Variants in ZNF486 observed in about 807,000 individuals in gnomAD.
ZNF486 encodes the protein KRAB box only protein 2.
In ZNF486, 12 loss-of-function variants were observed where a neutral mutation model predicts 12.8. That is an observed-to-expected ratio of 0.94 (90% CI 0.60 to 1.52). The LOEUF (loss-of-function observed/expected upper bound fraction) is 1.52. Among genes scored for constraint, ZNF486 ranks in the 40% most tolerant of loss-of-function variants. The pLI is 0.00. For synonymous variants in ZNF486, 231 were observed against 184.9 expected (o/e 1.25, Z -2.02); for missense variants, 738 against 545.0 (o/e 1.35, Z -3.53).
chr19:20,191,109 A>C (rs1555717121), intron 3 of ZNF486, among the ~76,000 whole-genome samples: 1 of 152,184 alleles, frequency 6.6e-6, no homozygotes, highest in Non-Finnish European at 1.5e-5. Flanking sequence ...CCCTCACCAG[A>C]AGCAGATGCT....
intron 1 of ZNF486, among the ~76,000 whole-genome samples, chr19:20,175,777 C>T (rs1227294196): frequency 6.6e-6 from 1 of 152,244 alleles, no homozygotes; most frequent in Non-Finnish European, 1.5e-5. Flanking sequence ...GTCTTTTCCG[C>T]ACCTTTCCCC....
rs1555713152 is a variant in ZNF486 at position 20,167,333 on chromosome 19, G to GC, written c.5dup (p.Pro4ThrfsTer3). On this transcript the variant is annotated frameshift_variant, in exon 1 of 4. Coordinates refer to ENST00000335117, the MANE Select transcript of ZNF486 (RefSeq NM_052852.4). LOFTEE classifies it high-confidence loss of function. ...GTATTGGGAGATCCACAGCCAAGAT[G>GC]CCGGGACCCCTTAGAAGCCTAGAAA... 2 of 1,613,936 alleles carry GC rather than the reference G, an allele frequency of 1.2e-6. No homozygotes were observed. Among genetic ancestry groups the GC allele is most frequent in the Admixed American group, 3.3e-5 (2 of 59,998 alleles).
Position 20,197,014 on chromosome 19 carries a change from G to A in ZNF486, c.304G>A (p.Asp102Asn). The A allele has an allele frequency of 6.2e-7, 1 of 1,603,440 alleles. No individual in the cohort carries two copies. Among genetic ancestry groups the A allele is most frequent in the Non-Finnish European group, 8.5e-7 (1 of 1,176,706 alleles). ...QDLWPEQSIK[D>N]SYQKVILRKF... ...CCTTTGGCCAGAGCAGAGCATAAAA[G>A]ATTCTTACCAAAAAGTGATACTGAG... is the stretch of plus-strand genomic sequence containing the variant. The change falls in exon 4 of 4, where the codon GAT becomes AAT. Residue 102 changes from aspartate (D) to asparagine (N), a missense_variant. Transcript: ENST00000335117.
At chr19:20,192,989 C>T (rs1459421292) in intron 3 of ZNF486, among the ~76,000 whole-genome samples, 1 of 151,930 alleles carries the variant, frequency 6.6e-6, no homozygotes, top group Admixed American at 6.6e-5. Context: ...TTCTCATCTC[C>T]TGTTTTACTT....
Position 20,182,827 on chromosome 19 carries a change from A to G in ZNF486, c.31-1529A>G, listed in dbSNP as rs8101426. On this transcript the variant is annotated intron_variant, in intron 1 of 3. Coordinates refer to ENST00000335117, the MANE Select transcript of ZNF486 (RefSeq NM_052852.4). Reference sequence around the variant, plus strand: ...GTAATCATGTGTTACTGATACCTTTAAAGGCATGTTCTCAAGATGCAGGTG... The same window carrying G: ...GTAATCATGTGTTACTGATACCTTTGAAGGCATGTTCTCAAGATGCAGGTG... Among the ~76,000 whole-genome samples the G allele has an allele frequency of 9.2e-3, 1,402 of 152,256 alleles. 25 individuals carry two copies. Among genetic ancestry groups the G allele is most frequent in the African/African-American group, 0.032 (1,344 of 41,536 alleles).
chr19:20,168,773 G>T (rs1238410491), intron 1 of ZNF486, among the ~76,000 whole-genome samples: 1 of 152,140 alleles, frequency 6.6e-6, no homozygotes, highest in African/African-American at 2.4e-5. Flanking sequence ...ACACTGACAT[G>T]GAAATTAAAG....
intron 3 of ZNF486, among the ~76,000 whole-genome samples, chr19:20,195,115 AC>A (rs1368221658): frequency 6.6e-6 from 1 of 151,956 alleles, no homozygotes; most frequent in Non-Finnish European, 1.5e-5. Flanking sequence ...CAAATGATCC[AC>A]CCACCTCAGC....
rs1555718742 is a variant in ZNF486 at position 20,200,386 on chromosome 19, A to AGAG, written c.*2284_*2285insGAG. ...GTAGGTCAGAGTAATACTTTTCTAC[A>AGAG]TTATAGTGCAAGAAATAATTATTGA... On this transcript the variant is annotated 3_prime_UTR_variant, in exon 4 of 4. Transcript: ENST00000335117. The AGAG allele has an allele frequency of 1.1e-4, 16 of 152,304 alleles. No homozygotes were observed. The highest frequency in any genetic ancestry group is 3.8e-4 in the African/African-American group (16 of 41,590). The allele number at this position is 152,304 out of a possible 1,614,324, so 9.4% of individuals were successfully genotyped here. A position where few individuals can be genotyped will look rare whatever the true frequency, so the allele number is the denominator to read the frequency against.
intron 1 of ZNF486, among the ~76,000 whole-genome samples, chr19:20,179,224 T>C (rs1281587036): frequency 2.0e-5 from 3 of 152,170 alleles, no homozygotes; most frequent in African/African-American, 7.2e-5. Flanking sequence ...TGATGCCACA[T>C]TGGACACTAT....
intron 3 of ZNF486, among the ~76,000 whole-genome samples, chr19:20,189,520 C>A (rs1010843874): frequency 1.1e-4 from 16 of 152,206 alleles, no homozygotes; most frequent in African/African-American, 3.1e-4. Context: ...AAAAAATTTA[C>A]AGTGGCCATT....
chr19:20,172,234 C>T (rs1046102204), intron 1 of ZNF486, among the ~76,000 whole-genome samples: 2 of 151,712 alleles, frequency 1.3e-5, no homozygotes, highest in Non-Finnish European at 2.9e-5. Flanking sequence ...AAGTTCCAAC[C>T]TCAGGTGATT....
chr19:20,171,888 A>G (rs1248585179), intron 1 of ZNF486, among the ~76,000 whole-genome samples: 2 of 151,922 alleles, frequency 1.3e-5, no homozygotes, highest in Non-Finnish European at 2.9e-5. Flanking sequence ...ACCCTCAACT[A>G]GGCCTCAGTG....
At chr19:20,194,523 T>G (rs1056445491) in intron 3 of ZNF486, among the ~76,000 whole-genome samples, 112 of 152,266 alleles carry the variant, frequency 7.4e-4, no homozygotes, top group African/African-American at 2.6e-3. Flanking sequence ...GGTCAGAAGT[T>G]TGAGACCAGC....
intron 1 of ZNF486, among the ~76,000 whole-genome samples, chr19:20,181,621 CAG>C (rs571093371): frequency 6.7e-4 from 102 of 151,908 alleles, no homozygotes; most frequent in African/African-American, 2.2e-3. Context: ...CCAGTGTTTG[CAG>C]AGACATTCTA....
At chr19:20,192,988 C>T (rs1555717389) in intron 3 of ZNF486, among the ~76,000 whole-genome samples, 1 of 151,894 alleles carries the variant, frequency 6.6e-6, no homozygotes, top group Non-Finnish European at 1.5e-5. Flanking sequence ...TTTCTCATCT[C>T]CTGTTTTACT....
rs1555715525 is a variant in ZNF486, at chr19:20,181,339, A to G, written c.31-3017A>G. ...CAGATCATGAGGTCAGGAAATCGAG[A>G]CCATCCTGGCTAACACGGTGAAACC... is the stretch of plus-strand genomic sequence containing the variant. On this transcript the variant is annotated intron_variant, in intron 1 of 3. Coordinates refer to ENST00000335117, the MANE Select transcript of ZNF486 (RefSeq NM_052852.4). Among the ~76,000 whole-genome samples the G allele has an allele frequency of 2.6e-5, 4 of 152,204 alleles. No homozygotes were observed. In the South Asian group the frequency reaches 6.2e-4, roughly 24 times the overall value.
chr19:20,179,686 C>T (rs2089763039), intron 1 of ZNF486, among the ~76,000 whole-genome samples: 1 of 151,992 alleles, frequency 6.6e-6, no homozygotes, highest in African/African-American at 2.4e-5. Context: ...AGAAAATTAA[C>T]AAAAGTCATT....
At chr19:20,178,867 G>A (rs1346500351) in intron 1 of ZNF486, among the ~76,000 whole-genome samples, 1 of 152,092 alleles carries the variant, frequency 6.6e-6, no homozygotes, top group Non-Finnish European at 1.5e-5. Flanking sequence ...GAGACCATGG[G>A]GCCCACAAAC....
intron 3 of ZNF486, among the ~76,000 whole-genome samples, chr19:20,190,462 A>C (rs2089891121): frequency 6.6e-6 from 1 of 152,164 alleles, no homozygotes; most frequent in African/African-American, 2.4e-5. Flanking sequence ...TTGGCTCACT[A>C]TAGCCTCAGC....
Sources: gnomAD v4.1 joint callset for allele counts (sites outside exome capture counted in the v4.1 genomes callset) on GRCh38, gnomAD v4.1.1 for gene constraint, MANE v1.5 for transcripts, NCBI Gene and HGNC (gene_info 2026-07-23, HGNC 2026-07-21) for gene names.